The following FAM47E variants were observed in gnomAD, a reference collection of about 807,000 sequenced individuals.
The protein encoded by FAM47E is family with sequence similarity 47 member E.
In FAM47E, 32 loss-of-function variants were observed where a neutral mutation model predicts 41.6. The ratio of observed to expected loss-of-function variants is 0.77; its 90% confidence interval spans 0.58 to 1.03. FAM47E has a LOEUF of 1.03. Ranked by LOEUF, FAM47E falls within the 50% of genes least tolerant of loss-of-function variation. The pLI, the probability that FAM47E is intolerant of heterozygous loss-of-function variation, is 0.00. For missense variants in FAM47E, 424 were observed against 485.4 expected (o/e 0.87, Z 1.19); for synonymous variants, 184 against 188.7 (o/e 0.98, Z 0.20).
intron 2 of FAM47E, among the ~76,000 whole-genome samples, chr4:76,222,213 A>G (rs999114313): frequency 6.6e-6 from 1 of 151,428 alleles, no homozygotes; most frequent in Admixed American, 6.6e-5. Context: ...TCTGGGCATC[A>G]TATTTCCTAT....
upstream of FAM47E, among the ~76,000 whole-genome samples, chr4:76,249,921 T>C (rs1733916255): frequency 6.6e-6 from 1 of 152,156 alleles, no homozygotes; most frequent in African/African-American, 2.4e-5. Flanking sequence ...TGTGTATATA[T>C]ACACATATAT....
intron 1 of FAM47E, among the ~76,000 whole-genome samples, chr4:76,255,056 C>G (rs1046231117): frequency 1.3e-5 from 2 of 152,280 alleles, no homozygotes. Context: ...CCAATTGGGG[C>G]TCCTTGGATA....
chr4:76,282,355 T>C (rs889197137), intron 7 of FAM47E: 2 of 152,154 alleles, frequency 1.3e-5, no homozygotes. Flanking sequence ...AGCCCTATCT[T>C]ATCCATATGG....
chr4:76,283,109 G>T, intron 7 of FAM47E: 1 of 274,726 alleles, frequency 3.6e-6, no homozygotes, highest in East Asian at 6.8e-5. Flanking sequence ...TAGTAGCAGG[G>T]ATGGGCAGCA....
At chr4:76,276,203 T>C (rs530374376) in intron 5 of FAM47E, among the ~76,000 whole-genome samples, 1 of 152,164 alleles carries the variant, frequency 6.6e-6, no homozygotes, top group Non-Finnish European at 1.5e-5. Flanking sequence ...GCTAGGGAGA[T>C]GTAGCTGGGA....
intron 2 of FAM47E, among the ~76,000 whole-genome samples, chr4:76,262,420 G>GC (rs919827911): frequency 4.6e-5 from 7 of 151,290 alleles, no homozygotes; most frequent in Non-Finnish European, 1.0e-4. Flanking sequence ...TTTTTTTAGT[G>GC]CCCCCCACAC....
intron 2 of FAM47E, among the ~76,000 whole-genome samples, chr4:76,256,818 A>G (rs148293173): frequency 1.3e-5 from 2 of 152,266 alleles, no homozygotes; most frequent in African/African-American, 4.8e-5. Flanking sequence ...ATTTCTACCC[A>G]TCTACTGTAC....
chr4:76,267,211 A>G (rs1276966866), intron 3 of FAM47E, among the ~76,000 whole-genome samples: 1 of 152,238 alleles, frequency 6.6e-6, no homozygotes, highest in East Asian at 1.9e-4. Flanking sequence ...ATGGGTGGAT[A>G]AATTAATATG....
At chr4:76,233,216 G>A (rs958542323) in intron 2 of FAM47E, among the ~76,000 whole-genome samples, 2 of 152,124 alleles carry the variant, frequency 1.3e-5, no homozygotes, top group Non-Finnish European at 2.9e-5. Flanking sequence ...TGTTCTAATT[G>A]TGTGCTAACT....
intron 2 of FAM47E, among the ~76,000 whole-genome samples, chr4:76,217,863 TAGAAAA>T (rs1733240776): frequency 6.6e-6 from 1 of 152,174 alleles, no homozygotes; most frequent in Admixed American, 6.5e-5. Context: ...ATTCGGGACT[TAGAAAA>T]AGAGCTTTCT....
At chr4:76,225,207 G>A (rs542024142) in intron 2 of FAM47E, among the ~76,000 whole-genome samples, 1 of 152,230 alleles carries the variant, frequency 6.6e-6, no homozygotes, top group African/African-American at 2.4e-5. Context: ...ACTTGAGCTG[G>A]TTCCATATTT....
intron 2 of FAM47E, among the ~76,000 whole-genome samples, chr4:76,226,749 A>G (rs1293640267): frequency 6.6e-6 from 1 of 152,198 alleles, no homozygotes; most frequent in Non-Finnish European, 1.5e-5. Flanking sequence ...TGATTTAATC[A>G]GGAGTGTTGT....
At chr4:76,233,691 G>A (rs942948707) in intron 2 of FAM47E, among the ~76,000 whole-genome samples, 6 of 151,978 alleles carry the variant, frequency 3.9e-5, no homozygotes, top group Admixed American at 3.9e-4. Context: ...TAAGAGACAG[G>A]GCTAGGAAAA....
intron 3 of FAM47E, among the ~76,000 whole-genome samples, chr4:76,266,493 C>G (rs1004651315): frequency 6.6e-6 from 1 of 152,130 alleles, no homozygotes. Flanking sequence ...TGAAATGTAT[C>G]CAGAATCTCA....
chr4:76,251,299 C>T (rs965915222), upstream of FAM47E, among the ~76,000 whole-genome samples: 1 of 152,164 alleles, frequency 6.6e-6, no homozygotes, highest in African/African-American at 2.4e-5. Flanking sequence ...GTTCCAAGAC[C>T]TCCAGGAAAA....
At chr4:76,233,181 A>G (rs1733522040) in intron 2 of FAM47E, among the ~76,000 whole-genome samples, 1 of 152,224 alleles carries the variant, frequency 6.6e-6, no homozygotes, top group Non-Finnish European at 1.5e-5. Flanking sequence ...TAGAATTTTT[A>G]ACGTTAATTT....
chr4:76,233,864 G>C (rs1021709762), intron 2 of FAM47E, among the ~76,000 whole-genome samples: 6 of 152,204 alleles, frequency 3.9e-5, no homozygotes, highest in African/African-American at 9.6e-5. Flanking sequence ...AGTTGGTTGG[G>C]GGGGGCTTGG....
intron 2 of FAM47E, among the ~76,000 whole-genome samples, chr4:76,241,782 T>C (rs1254921595): frequency 6.6e-6 from 1 of 152,214 alleles, no homozygotes; most frequent in Non-Finnish European, 1.5e-5. Flanking sequence ...GACATAAGAA[T>C]TTATAATATA....
chr4:76,269,682 G>T (rs1734803895), intron 4 of FAM47E: 1 of 152,082 alleles, frequency 6.6e-6, no homozygotes, highest in African/African-American at 2.4e-5. Context: ...TTCCCACACA[G>T]GAGGCTGAGG....
Sources: allele counts gnomAD v4.1 joint callset (sites outside exome capture counted in the v4.1 genomes callset), GRCh38; gene constraint gnomAD v4.1.1; transcripts MANE v1.5; gene names NCBI Gene and HGNC (gene_info 2026-07-23, HGNC 2026-07-21).